The following CASD1 variants were observed in gnomAD, a reference collection of about 807,000 sequenced individuals.
CASD1 encodes the protein N-acetylneuraminate (7)9-O-acetyltransferase.
In CASD1, 41 loss-of-function variants were observed where a neutral mutation model predicts 100.0. The ratio of observed to expected loss-of-function variants is 0.41; its 90% CI spans 0.32 to 0.53. CASD1 has a LOEUF of 0.53. Among genes scored for constraint, CASD1 ranks in the 20% least tolerant of loss-of-function variants. The pLI, the probability that CASD1 is intolerant of heterozygous loss-of-function variation, is 0.25. For synonymous variants in CASD1, 321 were observed against 315.6 expected, an observed-to-expected ratio of 1.02 and a Z score of -0.18; for missense variants, 774 against 948.7, an observed-to-expected ratio of 0.82 and a Z score of 2.42.
intron 10 of CASD1, among the ~76,000 whole-genome samples, chr7:94,541,577 G>A (rs541270329): frequency 1.0e-5 from 1 of 96,620 alleles, no homozygotes; most frequent in East Asian, 3.6e-4. Flanking sequence ...TGCCCTTGGA[G>A]AGTTTGTAAG....
chr7:94,623,782 A>G, the CASD1 span: 1 of 386,330 alleles, frequency 2.6e-6, no homozygotes. Context: ...GAGTTTAAGA[A>G]TTATAATGAA....
At chr7:94,585,944 T>C in the CASD1 span, among the ~76,000 whole-genome samples, 1 of 151,572 alleles carries the variant, frequency 6.6e-6, no homozygotes, top group Non-Finnish European at 1.5e-5. Context: ...AGTGCAATTG[T>C]CAGCTTTTAA....
the CASD1 span, chr7:94,587,695 AAAGC>A: frequency 2.7e-5 from 42 of 1,532,370 alleles, no homozygotes; most frequent in Middle Eastern, 2.2e-4. Context: ...GCATTTAATT[AAAGC>A]AAGTAATCAA....
intron 3 of CASD1, among the ~76,000 whole-genome samples, chr7:94,525,689 A>C (rs1794528971): frequency 1.3e-5 from 2 of 152,140 alleles, no homozygotes; most frequent in Admixed American, 1.3e-4. Context: ...ATTTTGTTTG[A>C]CCCAGTATAT....
At chr7:94,530,531 C>T (rs997007290) in intron 5 of CASD1, among the ~76,000 whole-genome samples, 3 of 151,862 alleles carry the variant, frequency 2.0e-5, no homozygotes, top group African/African-American at 4.8e-5. Flanking sequence ...AAAATAAGTA[C>T]GTTGAATTGA....
At chr7:94,586,061 G>GAAAAAAAAAAAAA in the CASD1 span, among the ~76,000 whole-genome samples, 37 of 28,906 alleles carry the variant, frequency 1.3e-3, no homozygotes, top group Admixed American at 2.1e-3. Flanking sequence ...GGAACTAAAT[G>GAAAAAAAAAAAAA]AAAAAAAAAA....
chr7:94,548,362 A>G (rs77425722), intron 13 of CASD1, among the ~76,000 whole-genome samples: 1,731 of 151,932 alleles, frequency 0.011, 35 homozygotes, highest in African/African-American at 0.04. Context: ...TAGATATGTT[A>G]CATATGTATG....
chr7:94,588,500 A>G, the CASD1 span: 5 of 1,418,030 alleles, frequency 3.5e-6, no homozygotes, highest in South Asian at 1.5e-5. Flanking sequence ...CCCTGTGTTT[A>G]TCATTCTGAT....
At chr7:94,613,847 CA>C in the CASD1 span, among the ~76,000 whole-genome samples, 10 of 152,070 alleles carry the variant, frequency 6.6e-5, no homozygotes, top group African/African-American at 2.4e-4. Context: ...CACTCAAAAG[CA>C]GCAGCACAAA....
the CASD1 span, chr7:94,628,427 A>G: frequency 7.4e-7 from 1 of 1,349,356 alleles, no homozygotes; most frequent in Non-Finnish European, 1.0e-6. Flanking sequence ...GGTAGTTTCA[A>G]TCAAAACATT....
In CASD1 at chr7:94,537,608, A is replaced by T; in HGVS notation, c.980A>T (p.Tyr327Phe). The change falls in exon 9 of 18, where the codon TAT (tyrosine) becomes TTT (phenylalanine). Residue 327 changes from tyrosine (Y) to phenylalanine (F), a missense_variant. Tyr to Phe is a conservative substitution (Grantham distance 22). Around this residue, in one of 5 missense-constraint regions of CASD1, gnomAD observed 453 missense variants for 532.6 expected, o/e 0.85. Coordinates refer to ENST00000297273, the MANE Select transcript of CASD1 (RefSeq NM_022900.5). ...ACFFTLSIIGYLIFYIIHRNA... is the reference protein window; with the variant it reads ...ACFFTLSIIGFLIFYIIHRNA... ...TTTTTCACTTTATCTATTATCGGATATTTAATTTTTTACATAATTCATCGT... is the reference window on the plus strand; with the variant it reads ...TTTTTCACTTTATCTATTATCGGATTTTTAATTTTTTACATAATTCATCGT... 1 of 1,613,914 alleles carries T rather than the reference A, an allele frequency of 6.2e-7. No individual in the cohort carries two copies. The highest frequency in any genetic ancestry group is 1.1e-5 in the South Asian group (1 of 91,080).
chr7:94,619,279 G>A, the CASD1 span: 1 of 209,660 alleles, frequency 4.8e-6, no homozygotes, highest in Non-Finnish European at 9.6e-6. Flanking sequence ...CTGATCTTTT[G>A]GGGAGCATGC....
At chr7:94,624,302 T>C in the CASD1 span, 229 of 398,012 alleles carry the variant, frequency 5.8e-4, no homozygotes, top group Non-Finnish European at 7.0e-4. Context: ...AAATATCTTG[T>C]GCATTTTAAA....
chr7:94,535,259 A>G, intron 7 of CASD1, 50 bp from the exon 8 acceptor site: 2 of 1,380,394 alleles, frequency 1.4e-6, no homozygotes, highest in Non-Finnish European at 2.0e-6. Flanking sequence ...CACAATTTTT[A>G]CCAATAGGGA....
At chr7:94,609,385 T>C in the CASD1 span, among the ~76,000 whole-genome samples, 1 of 152,068 alleles carries the variant, frequency 6.6e-6, no homozygotes, top group African/African-American at 2.4e-5. Flanking sequence ...AAATTATCTG[T>C]GTAAGATGGC....
chr7:94,587,901 A>G, the CASD1 span: 17 of 1,489,584 alleles, frequency 1.1e-5, no homozygotes, highest in East Asian at 4.5e-4. Context: ...TTTTTAAGAG[A>G]CTTACTTAAT....
the CASD1 span, chr7:94,594,573 A>G: frequency 6.6e-6 from 1 of 152,092 alleles, no homozygotes; most frequent in Non-Finnish European, 1.5e-5. Context: ...ACATTAGTGG[A>G]AAAACGAATG....
chr7:94,573,177 C>A, the CASD1 span, among the ~76,000 whole-genome samples: 1 of 152,180 alleles, frequency 6.6e-6, no homozygotes. Context: ...CAGCACTGTT[C>A]TTGGTGCTTA....
At chr7:94,589,565 C>T in the CASD1 span, 1 of 152,340 alleles carries the variant, frequency 6.6e-6, no homozygotes, top group Non-Finnish European at 1.5e-5. Flanking sequence ...GCCATCGAAG[C>T]CTCATCTGTA....
Sources: allele counts gnomAD v4.1 joint callset (sites outside exome capture counted in the v4.1 genomes callset), GRCh38; gene constraint gnomAD v4.1.1; regional missense constraint gnomAD v4.1.1; transcripts MANE v1.5; gene names NCBI Gene and HGNC (gene_info 2026-07-23, HGNC 2026-07-21).